The following MYLK4 variants were observed in gnomAD, a reference collection of about 807,000 sequenced individuals.
The protein encoded by MYLK4 is myosin light chain kinase family member 4.
A neutral mutation model predicts 48.1 loss-of-function variants in MYLK4; 46 were observed. That is an observed-to-expected ratio of 0.96 (90% CI 0.75 to 1.22). MYLK4 has a LOEUF of 1.22. MYLK4 is among the 50% of genes most tolerant of loss of function. The pLI, the probability that MYLK4 is intolerant of heterozygous loss-of-function variation, is 0.00. For missense variants in MYLK4, 451 were observed against 486.1 expected (o/e 0.93, Z 0.68); for synonymous variants, 170 against 180.8 (o/e 0.94, Z 0.48).
intron 2 of MYLK4, among the ~76,000 whole-genome samples, chr6:2,735,899 A>T (rs905383638): frequency 8.5e-5 from 13 of 152,222 alleles, no homozygotes; most frequent in African/African-American, 3.1e-4. Context: ...TGCTAATTTA[A>T]TCCTCCCAAT....
the MYLK4 span, among the ~76,000 whole-genome samples, chr6:2,759,944 T>C: frequency 6.6e-6 from 1 of 152,226 alleles, no homozygotes; most frequent in Non-Finnish European, 1.5e-5. Context: ...CATTTCCACA[T>C]GTTCTGCACC....
chr6:2,749,840 C>G (rs1394835107), intron 1 of MYLK4, among the ~76,000 whole-genome samples: 1 of 152,170 alleles, frequency 6.6e-6, no homozygotes, highest in Admixed American at 6.5e-5. Context: ...CGAATGAGTC[C>G]TTTTCCAGAA....
chr6:2,718,179 C>CAA (rs10590230), intron 2 of MYLK4, among the ~76,000 whole-genome samples: 26 of 133,276 alleles, frequency 2.0e-4, no homozygotes, highest in African/African-American at 5.3e-4. Flanking sequence ...AACTCTGTCT[C>CAA]AAAAAAAAAA....
At chr6:2,758,644 T>A in the MYLK4 span, among the ~76,000 whole-genome samples, 1 of 152,188 alleles carries the variant, frequency 6.6e-6, no homozygotes, top group Admixed American at 6.5e-5. Context: ...ATTTCCTTGA[T>A]TTTCCTTGCA....
intron 7 of MYLK4, among the ~76,000 whole-genome samples, chr6:2,682,257 C>T (rs368992679): frequency 2.0e-5 from 3 of 152,212 alleles, no homozygotes; most frequent in Admixed American, 1.3e-4. Context: ...CCACACAAGA[C>T]GTACTTTATG....
At chr6:2,761,802 G>GCACACA in the MYLK4 span, among the ~76,000 whole-genome samples, 1 of 151,772 alleles carries the variant, frequency 6.6e-6, no homozygotes, top group East Asian at 1.9e-4. Context: ...TGGGAGACAT[G>GCACACA]CACACACACA....
chr6:2,744,366 G>A (rs1250813953), intron 2 of MYLK4, among the ~76,000 whole-genome samples: 1 of 152,222 alleles, frequency 6.6e-6, no homozygotes, highest in African/African-American at 2.4e-5. Flanking sequence ...CACTGTATCT[G>A]GCAACTGCTG....
chr6:2,732,510 T>C (rs1205353034), intron 2 of MYLK4, among the ~76,000 whole-genome samples: 3 of 152,098 alleles, frequency 2.0e-5, no homozygotes, highest in Non-Finnish European at 2.9e-5. Flanking sequence ...CAAGTCCTTG[T>C]ATTTCTGTTT....
chr6:2,685,400 C>T lies in MYLK4; in HGVS notation c.441G>A (p.Glu147=), dbSNP rs992574996. ...TCATGACGCTGATCTCGTTCTTCAC[C>T]TCCTCCTGAGAAGCAGGAAACAGTG... ...IKTRGMKDKE[E]VKNEISVMNQ... The change falls in exon 6 of 13, where the codon GAG becomes GAA. Residue 147 remains glutamate, a synonymous_variant. Coordinates refer to ENST00000274643, the MANE Select transcript of MYLK4 (RefSeq NM_001012418.5). The surrounding 1 kb of genome is among the most constrained non-coding windows in gnomAD (Gnocchi z 4.5). The T allele has an allele frequency of 6.2e-7, 1 of 1,613,490 alleles. No individual in the cohort carries two copies. The highest frequency in any genetic ancestry group is 1.3e-5 in the African/African-American group (1 of 74,958).
At chr6:2,675,182 G>T in intron 10 of MYLK4, 57 bp from the exon 11 acceptor site, 1 of 1,287,358 alleles carries the variant, frequency 7.8e-7, no homozygotes, top group Non-Finnish European at 1.1e-6. Context: ...GCCTGTATCT[G>T]CTGTTCAATC....
intron 2 of MYLK4, among the ~76,000 whole-genome samples, chr6:2,724,962 C>A (rs182691753): frequency 3.0e-3 from 463 of 152,178 alleles, no homozygotes; most frequent in African/African-American, 0.011. Context: ...ACCAGCCTGG[C>A]CAACATGATG....
rs111962138 is a variant in MYLK4 at position 2,674,655 on chromosome 6, C to T, written c.1119+392G>A. Among the ~76,000 whole-genome samples, 49 of 152,252 alleles carry T rather than the reference C, an allele frequency of 3.2e-4. 1 individual carries two copies. The highest frequency in any genetic ancestry group is 8.4e-4 in the African/African-American group (35 of 41,544). Reference sequence around the variant, plus strand: ...ATGGGAGGCCAAGGTGGGTGGATCACGAGGTCAGGGGTTTGAGACCAGCCT... The same window carrying T: ...ATGGGAGGCCAAGGTGGGTGGATCATGAGGTCAGGGGTTTGAGACCAGCCT... On this transcript the variant is annotated intron_variant, in intron 11 of 12. Transcript: ENST00000274643.
chr6:2,729,057 T>G (rs1266888843), intron 2 of MYLK4, among the ~76,000 whole-genome samples: 3 of 152,216 alleles, frequency 2.0e-5, no homozygotes, highest in Non-Finnish European at 2.9e-5. Context: ...CCCTCCTGGC[T>G]CACTGTCCAC....
chr6:2,765,748 C>G, the MYLK4 span: 9 of 1,505,838 alleles, frequency 6.0e-6, no homozygotes, highest in Non-Finnish European at 7.9e-6. Flanking sequence ...GTCTGCTGCT[C>G]CACCCGGCGG....
intron 2 of MYLK4, among the ~76,000 whole-genome samples, chr6:2,706,934 A>T (rs1582074862): frequency 1.3e-5 from 2 of 152,230 alleles, no homozygotes; most frequent in African/African-American, 4.8e-5. Flanking sequence ...TTCAGTTAGA[A>T]GCCCCATATA....
the MYLK4 span, chr6:2,768,948 A>G: frequency 6.8e-7 from 1 of 1,466,214 alleles, no homozygotes. Context: ...GTGTGAGATC[A>G]CTATACAAAC....
At chr6:2,692,645 G>A (rs867334215) in intron 3 of MYLK4, 139 bp downstream of exon 3, 19,500 of 447,056 alleles carry the variant, frequency 0.044, 607 homozygotes, top group African/African-American at 0.1. Context: ...AAAAAAAAGG[G>A]GGGGGGGGGC....
chr6:2,669,398 C>G (rs147845488), intron 12 of MYLK4, among the ~76,000 whole-genome samples: 10 of 152,322 alleles, frequency 6.6e-5, no homozygotes, highest in East Asian at 1.9e-4. Context: ...TGGAAGGACT[C>G]TACCCCCTCC....
In MYLK4 at chr6:2,743,975, G is replaced by T. The variant is rs1176478778; in HGVS notation, c.159+5161C>A. On this transcript the variant is annotated intron_variant, in intron 2 of 12. Transcript: ENST00000274643. ...CCGGATCAAGCACCAGAGAACTGAA[G>T]ACGAGAGAAGGCACACGCTACCTAC... 7.5e-6 allele frequency: 3 copies of T among 398,710 alleles called. No individual in the cohort carries two copies. In the Admixed American group the frequency reaches 1.3e-4, roughly 18 times the overall value. The allele number at this position is 398,710 out of a possible 1,614,324, so 24.7% of individuals were successfully genotyped here. A position where few individuals can be genotyped will look rare whatever the true frequency, so the allele number is the denominator to read the frequency against.
Sources: allele counts gnomAD v4.1 joint callset (sites outside exome capture counted in the v4.1 genomes callset), GRCh38; gene constraint gnomAD v4.1.1; non-coding constraint Gnocchi (gnomAD v3.1); transcripts MANE v1.5; gene names NCBI Gene and HGNC (gene_info 2026-07-23, HGNC 2026-07-21).